The following RBMS1 variants were observed in gnomAD, a reference collection of about 807,000 sequenced individuals.
RBMS1 encodes RNA-binding motif, single-stranded-interacting protein 1.
In RBMS1, 17 loss-of-function variants were observed where a neutral mutation model predicts 62.3. The observed-to-expected ratio is 0.27, with a 90% confidence interval of 0.19 to 0.41. The LOEUF (loss-of-function observed/expected upper bound fraction) is 0.41. Ranked by LOEUF, RBMS1 falls within the 10% of genes least tolerant of loss-of-function variation. The probability of loss-of-function intolerance (pLI) is 1.00; values close to 1 mark genes in which losing one functional copy is unlikely to be tolerated. For synonymous variants in RBMS1, 172 were observed against 170.0 expected (o/e 1.01, Z -0.09); for missense variants, 334 against 504.5 (o/e 0.66, Z 3.24).
Position 160,493,561 on chromosome 2 carries a change from TC to T in RBMS1, c.-199del. 1.6e-6 allele frequency: 1 copy of T among 609,272 alleles called. No individual in the cohort carries two copies. Among genetic ancestry groups the T allele is most frequent in the Non-Finnish European group, 2.9e-6 (1 of 346,540 alleles). 37.7% of individuals were successfully genotyped at this position (609,272 alleles called of 1,614,324 possible). On this transcript the variant is annotated 5_prime_UTR_variant, in exon 1 of 14. Coordinates refer to ENST00000348849, the MANE Select transcript of RBMS1 (RefSeq NM_016836.4). ...CTCCTCTTCCTCCTCCTCCTCCTCC[TC>T]CTCCTCCTCTTCCTCCTCCTCCTCC...
rs1685946639 is a variant in RBMS1 at position 160,493,401 on chromosome 2, A to G, written c.-38T>C. 1.2e-6 allele frequency: 2 copies of G among 1,600,590 alleles called. No homozygotes were observed. Among genetic ancestry groups the G allele is most frequent in the African/African-American group, 2.7e-5 (2 of 74,484 alleles). ...GAGCCTGCCGTGCAGGGTCGCGGAC[A>G]CTTTGGGGTTTCCAAGTCTCGGGCT... On this transcript the variant is annotated 5_prime_UTR_variant, in exon 1 of 14. Transcript: ENST00000348849.
At chr2:160,394,138 G>A (rs1419058794) in intron 1 of RBMS1, among the ~76,000 whole-genome samples, 1 of 152,184 alleles carries the variant, frequency 6.6e-6, no homozygotes, top group African/African-American at 2.4e-5. Context: ...ATGCAACTAA[G>A]AACCTTAATA....
intron 1 of RBMS1, among the ~76,000 whole-genome samples, chr2:160,398,649 A>C (rs1695272101): frequency 6.6e-6 from 1 of 152,148 alleles, no homozygotes; most frequent in Non-Finnish European, 1.5e-5. Context: ...TCCCTCTCCA[A>C]TTTATTTTAA....
intron 4 of RBMS1, 46 bp from the exon 5 acceptor site, chr2:160,303,533 A>T: frequency 6.4e-7 from 1 of 1,555,996 alleles, no homozygotes; most frequent in Non-Finnish European, 8.7e-7. Context: ...ACAGAAGGTG[A>T]GATATTTATG....
chr2:160,300,770 TTTC>T, intron 5 of RBMS1, 40 bp from the exon 6 acceptor site: 1 of 1,487,908 alleles, frequency 6.7e-7, no homozygotes, highest in Non-Finnish European at 8.9e-7. Context: ...TATTTAAAGG[TTTC>T]TTAACTTTCA....
chr2:160,471,691 GTATA>G lies in RBMS1; in HGVS notation c.75+21594_75+21597del, dbSNP rs368982549. Among the ~76,000 whole-genome samples, 20 of 65,940 alleles carry G rather than the reference GTATA, an allele frequency of 3.0e-4. 1 individual carries two copies. In the East Asian group the frequency reaches 3.1e-3, roughly 10 times the overall value. 43.3% of individuals were successfully genotyped at this position (65,940 alleles called of 152,430 possible). A position where few individuals can be genotyped will look rare whatever the true frequency, so the allele number is the denominator to read the frequency against. ...AATCATGTTTGGGAAATCCTTTGGT[GTATA>G]TATATATATATATATATATATAACC... On this transcript the variant is annotated intron_variant, in intron 1 of 13. Transcript: ENST00000348849.
At chr2:160,375,897 A>G (rs1206516952) in intron 1 of RBMS1, among the ~76,000 whole-genome samples, 4 of 73,854 alleles carry the variant, frequency 5.4e-5, no homozygotes, top group Non-Finnish European at 1.4e-4. Context: ...AAATAAATGG[A>G]AAAAAAAAAA....
intron 12 of RBMS1, among the ~76,000 whole-genome samples, chr2:160,277,039 GGCCAA>G (rs1358808421): frequency 6.6e-6 from 1 of 152,032 alleles, no homozygotes; most frequent in Non-Finnish European, 1.5e-5. Context: ...CACCATGTCT[GGCCAA>G]TTTTCAAACA....
chr2:160,365,137 T>C (rs1573938215), intron 2 of RBMS1, among the ~76,000 whole-genome samples: 1 of 152,196 alleles, frequency 6.6e-6, no homozygotes, highest in Non-Finnish European at 1.5e-5. Context: ...TCTTTTGTGC[T>C]TTCTCTACAT....
At chr2:160,358,810 C>T (rs1169666762) in intron 2 of RBMS1, among the ~76,000 whole-genome samples, 2 of 152,038 alleles carry the variant, frequency 1.3e-5, no homozygotes, top group Non-Finnish European at 2.9e-5. Context: ...AAAGGACACA[C>T]TTAATGAGAG....
At chr2:160,358,246 T>C (rs576215287) in intron 2 of RBMS1, among the ~76,000 whole-genome samples, 60 of 152,262 alleles carry the variant, frequency 3.9e-4, no homozygotes, top group Non-Finnish European at 7.5e-4. Flanking sequence ...TGTTAAACTC[T>C]TCAACATGGA....
intron 1 of RBMS1, among the ~76,000 whole-genome samples, chr2:160,393,205 G>GGAA (rs1398058788): frequency 6.6e-6 from 1 of 152,116 alleles, no homozygotes; most frequent in Non-Finnish European, 1.5e-5. Flanking sequence ...AAATGCACCT[G>GGAA]GAAGAAAAAT....
chr2:160,448,330 T>C (rs1377187231), intron 1 of RBMS1, among the ~76,000 whole-genome samples: 1 of 135,806 alleles, frequency 7.4e-6, no homozygotes, highest in Non-Finnish European at 1.6e-5. Flanking sequence ...TTGCACGGTC[T>C]CCCTCTGATG....
intron 1 of RBMS1, among the ~76,000 whole-genome samples, chr2:160,457,203 T>A (rs1684275788): frequency 6.6e-6 from 1 of 152,114 alleles, no homozygotes; most frequent in South Asian, 2.1e-4. Context: ...CGATCTCAGT[T>A]CACTGCAACC....
chr2:160,383,715 G>A (rs997317474), intron 1 of RBMS1, among the ~76,000 whole-genome samples: 1 of 152,088 alleles, frequency 6.6e-6, no homozygotes, highest in African/African-American at 2.4e-5. Context: ...TTCTATGGTG[G>A]TATAGCGAGC....
intron 1 of RBMS1, among the ~76,000 whole-genome samples, chr2:160,422,288 G>A (rs1012293578): frequency 5.3e-5 from 8 of 152,122 alleles, no homozygotes; most frequent in Non-Finnish European, 1.2e-4. Flanking sequence ...TTGAGTTTAG[G>A]GGGTCGTGAG....
intron 1 of RBMS1, among the ~76,000 whole-genome samples, chr2:160,438,786 G>A (rs1356853067): frequency 6.6e-6 from 1 of 152,222 alleles, no homozygotes; most frequent in Non-Finnish European, 1.5e-5. Context: ...ATACCTCCCA[G>A]ACGGGGTGGT....
chr2:160,334,434 T>C (rs1439024083), intron 2 of RBMS1, among the ~76,000 whole-genome samples: 1 of 152,194 alleles, frequency 6.6e-6, no homozygotes, highest in Non-Finnish European at 1.5e-5. Flanking sequence ...GCAAAGGCGG[T>C]ACCATTAATC....
chr2:160,484,089 T>C (rs1264364930), intron 1 of RBMS1, among the ~76,000 whole-genome samples: 1 of 150,880 alleles, frequency 6.6e-6, no homozygotes, highest in East Asian at 2.0e-4. Flanking sequence ...TCCTCCCCCA[T>C]CGGCCTCCCA....
Sources: gnomAD v4.1 joint callset for allele counts (sites outside exome capture counted in the v4.1 genomes callset) on GRCh38, gnomAD v4.1.1 for gene constraint, MANE v1.5 for transcripts, NCBI Gene and HGNC (gene_info 2026-07-23, HGNC 2026-07-21) for gene names.